The following TUBGCP2 variants were observed in gnomAD, a reference collection of about 807,000 sequenced individuals.
The protein encoded by TUBGCP2 is gamma-tubulin complex component 2.
In TUBGCP2, 55 loss-of-function variants were observed where a neutral mutation model predicts 92.2. The observed-to-expected ratio is 0.60, with a 90% confidence interval of 0.48 to 0.75. The LOEUF is 0.75. TUBGCP2 is among the 30% of genes least tolerant of loss of function. The probability of loss-of-function intolerance (pLI) is 0.00; values close to 1 mark genes in which losing one functional copy is unlikely to be tolerated. For synonymous variants in TUBGCP2, 533 were observed against 505.2 expected (o/e 1.06, Z -0.74); for missense variants, 1,093 against 1,188.9 (o/e 0.92, Z 1.19).
intron 17 of TUBGCP2, 88 bp from the exon 18 acceptor site, chr10:133,279,989 G>A: frequency 1.3e-6 from 2 of 1,534,702 alleles, no homozygotes; most frequent in South Asian, 1.2e-5. Flanking sequence ...GGTGCAGCTA[G>A]GGTGCACACC....
At chr10:133,286,569 G>A (rs978473836) in intron 11 of TUBGCP2, among the ~76,000 whole-genome samples, 4 of 151,726 alleles carry the variant, frequency 2.6e-5, no homozygotes, top group East Asian at 1.9e-4. Flanking sequence ...CCGAGGGCGC[G>A]TCCTCCTCCC....
intron 1 of TUBGCP2, 79 bp from the exon 2 acceptor site, chr10:133,303,059 C>T (rs901379157): frequency 3.0e-6 from 4 of 1,338,234 alleles, no homozygotes; most frequent in African/African-American, 2.9e-5. Flanking sequence ...CAAGACTGGC[C>T]AATGTCAGGC....
intron 6 of TUBGCP2, 99 bp downstream of exon 6, chr10:133,293,463 T>C: frequency 1.4e-6 from 2 of 1,396,578 alleles, no homozygotes; most frequent in South Asian, 2.7e-5. Context: ...GCGGGCGCTC[T>C]CTTTAGAAGC....
Position 133,293,579 on chromosome 10 carries a change from G to C in TUBGCP2, c.807C>G (p.Ser269Arg), listed in dbSNP as rs1487085124. 2 of 1,552,576 alleles carry C rather than the reference G, an allele frequency of 1.3e-6. No individual in the cohort carries two copies. The highest frequency in any genetic ancestry group is 3.9e-5 in the Admixed American group (2 of 51,236). ...GTGCCCACCTGGTCACAGCGGAGTAGCTGGCGGCCACTGGGAGGATCCTGT... is the reference window on the plus strand; with the variant it reads ...GTGCCCACCTGGTCACAGCGGAGTACCTGGCGGCCACTGGGAGGATCCTGT... ...LVHRILPVAA[S>R]YSAVTRFIEE... Residue 269 changes from serine (S) to arginine (R), a missense_variant, in exon 6 of 18, where the codon AGC (serine) becomes AGG (arginine). Physicochemically the swap from Ser to Arg is moderately radical, Grantham distance 110 (BLOSUM62 -1). Transcript: ENST00000252936.
chr10:133,288,393 C>T (rs1257606037), intron 10 of TUBGCP2, 84 bp from the exon 11 acceptor site: 41 of 1,489,282 alleles, frequency 2.8e-5, no homozygotes, highest in Admixed American at 8.8e-5. Context: ...CGTGCCCACC[C>T]GCAGGTGCCC....
chr10:133,292,769 T>C (rs1417669243), intron 7 of TUBGCP2, 81 bp from the exon 8 acceptor site: 1 of 1,485,768 alleles, frequency 6.7e-7, no homozygotes, highest in Non-Finnish European at 9.1e-7. Flanking sequence ...GGGCCCCTCA[T>C]GCTTCTCCAA....
At chr10:133,293,512 C>T (rs547413768) in intron 6 of TUBGCP2, 50 bp downstream of exon 6, 2 of 1,536,122 alleles carry the variant, frequency 1.3e-6, no homozygotes, top group African/African-American at 2.7e-5. Context: ...TGGGACCTAA[C>T]CCCTCCCCCA....
Position 133,283,917 on chromosome 10 carries a change from G to C in TUBGCP2, c.2110C>G (p.Pro704Ala). 1 of 1,614,206 alleles carries C rather than the reference G, an allele frequency of 6.2e-7. No individual in the cohort carries two copies. The highest frequency in any genetic ancestry group is 8.5e-7 in the Non-Finnish European group (1 of 1,180,018). ...TTTTTCTCCAGGATGTGCCAGGTCG[G>C]TTCCATCACTTCAAACATCATGTAG... ...QYYMMFEVME[P>A]TWHILEKNLK... Residue 704 changes from proline (P) to alanine (A), a missense_variant, in exon 14 of 18, where the codon CCG becomes GCG. Physicochemically the swap from Pro to Ala is conservative, Grantham distance 27. Around this residue, in one of 3 missense-constraint regions of TUBGCP2, gnomAD observed 598 missense variants for 675.5 expected, o/e 0.89. Coordinates refer to ENST00000252936, the MANE Select transcript of TUBGCP2 (RefSeq NM_006659.4).
intron 5 of TUBGCP2, among the ~76,000 whole-genome samples, chr10:133,297,037 G>A (rs1212951318): frequency 1.3e-5 from 2 of 152,170 alleles, no homozygotes; most frequent in Non-Finnish European, 2.9e-5. Flanking sequence ...CTTGAGTTTG[G>A]ACTAACGGGG....
intron 4 of TUBGCP2, among the ~76,000 whole-genome samples, chr10:133,298,643 G>A (rs1455352517): frequency 6.6e-5 from 10 of 152,280 alleles, no homozygotes; most frequent in South Asian, 2.1e-4. Context: ...TGATGGGGTC[G>A]GCCTGGGCTG....
At position 133,285,444 on chromosome 10, in the gene TUBGCP2, G is replaced by C. The variant is rs759453723; in HGVS notation, c.1895+12C>G. The C allele has an allele frequency of 1.9e-5, 30 of 1,613,134 alleles. No individual in the cohort carries two copies. Among genetic ancestry groups the C allele is most frequent in the Non-Finnish European group, 5.9e-6 (7 of 1,179,910 alleles). ...TGAAGATCTGGCAGGTGCCCGAGCA[G>C]CCGACCCGCACCTGTTGATGATGAG... On this transcript the variant is annotated intron_variant, in intron 12 of 17. Coordinates refer to ENST00000252936, the MANE Select transcript of TUBGCP2 (RefSeq NM_006659.4). This position sits in a 1 kb window ranked among gnomAD's most constrained non-coding sequence, Gnocchi z 6.8.
chr10:133,301,152 G>C (rs1411332996), intron 2 of TUBGCP2, among the ~76,000 whole-genome samples: 1 of 152,132 alleles, frequency 6.6e-6, no homozygotes, highest in Non-Finnish European at 1.5e-5. Flanking sequence ...CTTTTGGACG[G>C]AGTTTCGCTC....
At position 133,288,297 on chromosome 10, in the gene TUBGCP2, G is replaced by A; in HGVS notation, c.1554C>T (p.Arg518=). The change falls in exon 11 of 18, where the codon CGC becomes CGT. Residue 518 remains arginine, a synonymous_variant. Transcript: ENST00000252936. ...AGTCGCCCTGGTCCATGAGGAAGTA[G>A]CGCTTGATGGACCTGCGCCAGGGAG... The part of the protein sequence containing the change: ...ELVAHLRSIK[R]YFLMDQGDFF... 1 of 1,613,396 alleles carries A rather than the reference G, an allele frequency of 6.2e-7. No individual in the cohort carries two copies. The highest frequency in any genetic ancestry group is 1.1e-5 in the South Asian group (1 of 91,088).
chr10:133,283,336 T>G (rs1263016981), intron 14 of TUBGCP2, 115 bp from the exon 15 acceptor site: 1 of 1,435,644 alleles, frequency 7.0e-7, no homozygotes, highest in Non-Finnish European at 9.5e-7. Context: ...TTCTACCTCT[T>G]AAATGGGCCT....
At chr10:133,309,497 T>C (rs1357227048), upstream of TUBGCP2, 2 of 1,598,774 alleles carry the variant, frequency 1.3e-6, no homozygotes, top group East Asian at 2.3e-5. Context: ...CCAGTGCTAC[T>C]CCTGCGCCGC....
At chr10:133,289,354 G>A (rs1213741145) in intron 9 of TUBGCP2, among the ~76,000 whole-genome samples, 4 of 152,206 alleles carry the variant, frequency 2.6e-5, no homozygotes, top group African/African-American at 7.2e-5. Flanking sequence ...AGAACCGGAT[G>A]GCTAATCGCT....
chr10:133,309,922 A>G, upstream of TUBGCP2: 1 of 1,613,582 alleles, frequency 6.2e-7, no homozygotes, highest in South Asian at 1.1e-5. Context: ...CTGGACGCCC[A>G]CATCCTGGAG....
intron 11 of TUBGCP2, among the ~76,000 whole-genome samples, chr10:133,286,602 A>G (rs1235349841): frequency 6.6e-6 from 1 of 151,744 alleles, no homozygotes; most frequent in Non-Finnish European, 1.5e-5. Flanking sequence ...CCGAGGGCAC[A>G]TCCTCCTCCC....
At chr10:133,310,001 C>T (rs1487441059), upstream of TUBGCP2, 2 of 1,611,696 alleles carry the variant, frequency 1.2e-6, no homozygotes, top group Admixed American at 1.7e-5. Flanking sequence ...GCACAGCCGC[C>T]GAGGCCACCC....
Sources: allele counts gnomAD v4.1 joint callset (sites outside exome capture counted in the v4.1 genomes callset), GRCh38; gene constraint gnomAD v4.1.1; regional missense constraint gnomAD v4.1.1; non-coding constraint Gnocchi (gnomAD v3.1); transcripts MANE v1.5; gene names NCBI Gene and HGNC (gene_info 2026-07-23, HGNC 2026-07-21).